The following PLCL2 variants were observed in gnomAD, a reference collection of about 807,000 sequenced individuals.
The protein encoded by PLCL2 is inactive phospholipase C-like protein 2.
PLCL2 carries 4 observed loss-of-function variants against 79.6 expected under a neutral mutation model. The ratio of observed to expected loss-of-function variants is 0.05; its 90% confidence interval spans 0.02 to 0.11. The LOEUF (loss-of-function observed/expected upper bound fraction) is 0.11, where lower values mean the gene tolerates loss of function less well. PLCL2 is among the 10% of genes least tolerant of loss of function. The pLI, the probability that PLCL2 is intolerant of heterozygous loss-of-function variation, is 1.00. For missense variants in PLCL2, 895 were observed against 1,291.0 expected (o/e 0.69, Z 4.70); for synonymous variants, 484 against 457.7 (o/e 1.06, Z -0.73).
intron 1 of PLCL2, among the ~76,000 whole-genome samples, chr3:16,956,644 G>T (rs1418665231): frequency 6.6e-6 from 1 of 152,134 alleles, no homozygotes; most frequent in African/African-American, 2.4e-5. Context: ...ATTCGGCTGT[G>T]AATCCATCTG....
chr3:16,911,986 A>G (rs1163817871), intron 1 of PLCL2, among the ~76,000 whole-genome samples: 2 of 152,198 alleles, frequency 1.3e-5, no homozygotes, highest in East Asian at 1.9e-4. Context: ...AACATAAATG[A>G]ATTTCTTGTA....
intron 3 of PLCL2, among the ~76,000 whole-genome samples, chr3:17,030,736 A>G (rs763625776): frequency 6.6e-6 from 1 of 152,198 alleles, no homozygotes; most frequent in Non-Finnish European, 1.5e-5. Context: ...TGTGTTTAAA[A>G]AAAGTATTGC....
chr3:16,895,575 T>C (rs985294855), intron 1 of PLCL2, among the ~76,000 whole-genome samples: 2 of 152,198 alleles, frequency 1.3e-5, no homozygotes, highest in African/African-American at 2.4e-5. Flanking sequence ...CATAAAGTCC[T>C]TATATACTTA....
intron 3 of PLCL2, among the ~76,000 whole-genome samples, chr3:17,032,537 C>T (rs762716565): frequency 7.9e-5 from 12 of 151,972 alleles, no homozygotes; most frequent in Non-Finnish European, 1.5e-4. Context: ...CCTCTTTGTG[C>T]TGTTTTTCCT....
Position 17,011,748 on chromosome 3 carries a change from CAG to C in PLCL2, c.2403_2404del (p.Val802AlafsTer10). The stretch of plus-strand genomic sequence containing the variant: ...GATTGTGCAGAACAAAGGACAAAAA[CAG>C]TGCACCAGAATGGAGACGCTCCCAT... On this transcript the variant is annotated frameshift_variant, in exon 2 of 6. Transcript: ENST00000615277. LOFTEE classifies it high-confidence loss of function. The surrounding 1 kb of genome is among the most constrained non-coding windows in gnomAD (Gnocchi z 7.9). The C allele has an allele frequency of 6.2e-7, 1 of 1,614,134 alleles. No homozygotes were observed. The highest frequency in any genetic ancestry group is 1.1e-5 in the South Asian group (1 of 91,084).
intron 1 of PLCL2, among the ~76,000 whole-genome samples, chr3:16,891,633 A>G (rs1172093846): frequency 6.6e-6 from 1 of 152,226 alleles, no homozygotes. Context: ...AAGCACCCAC[A>G]TGTCTTGCTT....
chr3:17,027,844 A>G (rs187256791), intron 3 of PLCL2, among the ~76,000 whole-genome samples: 1 of 152,324 alleles, frequency 6.6e-6, no homozygotes, highest in East Asian at 1.9e-4. Flanking sequence ...AAGAAACAAG[A>G]GGTGGAAACT....
chr3:17,036,140 C>T (rs962472843), intron 3 of PLCL2, among the ~76,000 whole-genome samples: 9 of 152,106 alleles, frequency 5.9e-5, no homozygotes, highest in African/African-American at 2.2e-4. Flanking sequence ...CAGACCTCGG[C>T]CCCTGGATAG....
chr3:16,900,654 T>A (rs1212450017), intron 1 of PLCL2, among the ~76,000 whole-genome samples: 1 of 152,214 alleles, frequency 6.6e-6, no homozygotes, highest in Admixed American at 6.5e-5. Context: ...TTTGCATAGC[T>A]CTTTCATCCC....
chr3:17,016,516 T>A (rs1034007247), intron 3 of PLCL2, among the ~76,000 whole-genome samples: 3 of 152,140 alleles, frequency 2.0e-5, no homozygotes, highest in Non-Finnish European at 4.4e-5. Context: ...TGAGTGCCAC[T>A]GTGCTGAGTG....
intron 3 of PLCL2, among the ~76,000 whole-genome samples, chr3:17,031,817 T>A (rs1216943883): frequency 1.3e-5 from 2 of 152,124 alleles, no homozygotes; most frequent in Non-Finnish European, 2.9e-5. Context: ...GCATAATAAA[T>A]TACCACATAA....
At chr3:16,905,017 T>A (rs1396034023) in intron 1 of PLCL2, among the ~76,000 whole-genome samples, 1 of 152,142 alleles carries the variant, frequency 6.6e-6, no homozygotes, top group Non-Finnish European at 1.5e-5. Flanking sequence ...AAAAGACTAA[T>A]ACAGGAATGG....
At chr3:16,965,140 T>A (rs2124973585) in intron 1 of PLCL2, among the ~76,000 whole-genome samples, 1 of 152,338 alleles carries the variant, frequency 6.6e-6, no homozygotes, top group African/African-American at 2.4e-5. Context: ...CTTCTAGGAT[T>A]TTTATGATTT....
chr3:17,052,671 C>T (rs1211572495), intron 4 of PLCL2, among the ~76,000 whole-genome samples: 1 of 152,104 alleles, frequency 6.6e-6, no homozygotes, highest in Non-Finnish European at 1.5e-5. Context: ...ACCTCTTCTG[C>T]CTCTGCCACC....
At chr3:17,004,060 G>A (rs1037455281) in intron 1 of PLCL2, among the ~76,000 whole-genome samples, 17 of 152,168 alleles carry the variant, frequency 1.1e-4, no homozygotes, top group African/African-American at 2.6e-4. Flanking sequence ...TTCTTCCCAC[G>A]CTCTACCAAA....
In PLCL2 at chr3:16,891,970, C is replaced by T. The variant is rs139979719; in HGVS notation, c.327+6604C>T. 4.3e-3 allele frequency among the ~76,000 whole-genome samples: 659 copies of T among 152,338 alleles called. 2 individuals are homozygous for T. Among genetic ancestry groups the T allele is most frequent in the South Asian group, 0.018 (87 of 4,832 alleles). ...CCACCACTCTCCCTGTATCTCCATA[C>T]AGTCCTTCTGCCTCTTAGGCAACTA... On this transcript the variant is annotated intron_variant, in intron 1 of 5. Transcript: ENST00000615277.
At chr3:16,907,530 GGT>G (rs897119269) in intron 1 of PLCL2, among the ~76,000 whole-genome samples, 35 of 152,208 alleles carry the variant, frequency 2.3e-4, no homozygotes, top group African/African-American at 8.4e-4. Flanking sequence ...TCTGTGCTAA[GGT>G]GTTAGGGCAT....
intron 4 of PLCL2, among the ~76,000 whole-genome samples, chr3:17,063,740 A>C (rs549629425): frequency 6.6e-6 from 1 of 152,172 alleles, no homozygotes; most frequent in South Asian, 2.1e-4. Flanking sequence ...TGCCTGTTCA[A>C]CTGCAGTCAC....
intron 1 of PLCL2, among the ~76,000 whole-genome samples, chr3:16,966,176 T>C (rs1256939594): frequency 6.9e-6 from 1 of 145,008 alleles, no homozygotes; most frequent in Non-Finnish European, 1.5e-5. Context: ...GCTCTTATTA[T>C]TTTGAGATAC....
Sources: gnomAD v4.1 joint callset for allele counts (sites outside exome capture counted in the v4.1 genomes callset) on GRCh38, gnomAD v4.1.1 for gene constraint, Gnocchi (gnomAD v3.1) non-coding constraint, MANE v1.5 for transcripts, NCBI Gene and HGNC (gene_info 2026-07-23, HGNC 2026-07-21) for gene names.